ATP8B2: variants seen among roughly 807,000 people sequenced by gnomAD.
The protein encoded by ATP8B2 is phospholipid-transporting ATPase ID.
A neutral mutation model predicts 133.4 loss-of-function variants in ATP8B2; 70 were observed. That is an observed-to-expected ratio of 0.52 (90% CI 0.43 to 0.64). ATP8B2 has a LOEUF of 0.64. Ranked by LOEUF, ATP8B2 falls within the 30% of genes least tolerant of loss-of-function variation. The probability of loss-of-function intolerance (pLI) is 0.00; values close to 1 mark genes in which losing one functional copy is unlikely to be tolerated. For missense variants in ATP8B2, 1,101 were observed against 1,535.7 expected, an observed-to-expected ratio of 0.72 and a Z score of 4.73; for synonymous variants, 517 against 589.5, an observed-to-expected ratio of 0.88 and a Z score of 1.78.
At position 154,328,209 on chromosome 1, in the gene ATP8B2, C is replaced by G. The variant is rs745992431; in HGVS notation, c.31+37C>G. The G allele has an allele frequency of 6.3e-7, 1 of 1,584,600 alleles. No individual in the cohort carries two copies. The highest frequency in any genetic ancestry group is 1.1e-5 in the South Asian group (1 of 90,438). On this transcript the variant is annotated intron_variant, in intron 2 of 27. Coordinates refer to ENST00000368489, the MANE Select transcript of ATP8B2 (RefSeq NM_001370597.1). This position sits in a 1 kb window ranked among gnomAD's most constrained non-coding sequence, Gnocchi z 4.6. ...AAGGAGGGGAGATCCCGGGAACCAT[C>G]AAGAGTGGGTGTTGTTATGGCTCAG...
rs1253558486 is a variant in ATP8B2 at position 154,331,695 on chromosome 1, C to G, written c.438+17C>G. 3.1e-6 allele frequency: 5 copies of G among 1,606,994 alleles called. No individual in the cohort carries two copies. The highest frequency in any genetic ancestry group is 4.3e-6 in the Non-Finnish European group (5 of 1,173,464). ...TTTGTGGCGGTAAGGGACAGGGTACCCCTCTAGGCCTGTAGGTTCTTCCTC... is the reference window on the plus strand; with the variant it reads ...TTTGTGGCGGTAAGGGACAGGGTACGCCTCTAGGCCTGTAGGTTCTTCCTC... On this transcript the variant is annotated intron_variant, in intron 7 of 27. Transcript: ENST00000368489. This position sits in a 1 kb window ranked among gnomAD's most constrained non-coding sequence, Gnocchi z 4.8.
chr1:154,341,198 A>G, intron 13 of ATP8B2, 136 bp downstream of exon 13: 1 of 924,558 alleles, frequency 1.1e-6, no homozygotes, highest in Non-Finnish European at 1.7e-6. Flanking sequence ...GAAAGGGTCC[A>G]TCCTGGCCAG....
At position 154,343,749 on chromosome 1, in the gene ATP8B2, C is replaced by A; in HGVS notation, c.1759-144C>A. 1 of 1,109,150 alleles carries A rather than the reference C, an allele frequency of 9.0e-7. No homozygotes were observed. Among genetic ancestry groups the A allele is most frequent in the South Asian group, 1.5e-5 (1 of 64,704 alleles). 68.7% of individuals were successfully genotyped at this position (1,109,150 alleles called of 1,614,324 possible). ...CACATCAGCCAGCTCCCATAGTTACCTCTTTTTATGTATGTGGTGACAGTC... is the reference window on the plus strand; with the variant it reads ...CACATCAGCCAGCTCCCATAGTTACATCTTTTTATGTATGTGGTGACAGTC... On this transcript the variant is annotated intron_variant, in intron 17 of 27. Transcript: ENST00000368489. The surrounding 1 kb of genome is among the most constrained non-coding windows in gnomAD (Gnocchi z 5.8).
At chr1:154,326,495 T>C (rs1343912637) in intron 1 of ATP8B2, among the ~76,000 whole-genome samples, 6 of 152,132 alleles carry the variant, frequency 3.9e-5, no homozygotes, top group Admixed American at 3.9e-4. Context: ...CTGATGGGCC[T>C]GACCTGCTCA....
chr1:154,341,221 A>G, intron 13 of ATP8B2, 159 bp downstream of exon 13: 1 of 762,170 alleles, frequency 1.3e-6, no homozygotes, highest in South Asian at 1.5e-5. Flanking sequence ...ACGGTGGCTC[A>G]TGCCTATAGT....
chr1:154,341,086 G>T (rs761926107), intron 13 of ATP8B2, 24 bp downstream of exon 13: 49 of 1,612,428 alleles, frequency 3.0e-5, no homozygotes, highest in Middle Eastern at 3.3e-4. Flanking sequence ...ACTGGGGACT[G>T]GGGGCTTGCA....
chr1:154,345,960 A>G lies in ATP8B2; in HGVS notation c.2778+77A>G. On this transcript the variant is annotated intron_variant, in intron 24 of 27. Coordinates refer to ENST00000368489, the MANE Select transcript of ATP8B2 (RefSeq NM_001370597.1). This position sits in a 1 kb window ranked among gnomAD's most constrained non-coding sequence, Gnocchi z 5.6. The stretch of plus-strand genomic sequence containing the variant: ...AGGAGTCACATAGACGTGGTGTGTG[A>G]CACTTGTGCCCATTTCCTGTGGCCA... 5 of 1,383,544 alleles carry G rather than the reference A, an allele frequency of 3.6e-6. No homozygotes were observed. Among genetic ancestry groups the G allele is most frequent in the Non-Finnish European group, 5.1e-6 (5 of 978,254 alleles). 85.7% of individuals were successfully genotyped at this position (1,383,544 alleles called of 1,614,324 possible). A position where few individuals can be genotyped will look rare whatever the true frequency, so the allele number is the denominator to read the frequency against.
At chr1:154,335,603 G>A (rs1686150909) in intron 11 of ATP8B2, among the ~76,000 whole-genome samples, 1 of 152,014 alleles carries the variant, frequency 6.6e-6, no homozygotes, top group Non-Finnish European at 1.5e-5. Context: ...GAGGCGGGGG[G>A]ATTGCTTGGC....
chr1:154,347,312 T>A (rs1686618089), intron 26 of ATP8B2, among the ~76,000 whole-genome samples: 1 of 152,174 alleles, frequency 6.6e-6, no homozygotes, highest in African/African-American at 2.4e-5. Context: ...GGAGGTCTTC[T>A]GCACGTGGAG....
In ATP8B2 at chr1:154,346,004, C is replaced by A; in HGVS notation, c.2778+121C>A. 8.7e-7 allele frequency: 1 copy of A among 1,146,474 alleles called. No homozygotes were observed. Among genetic ancestry groups the A allele is most frequent in the Non-Finnish European group, 1.3e-6 (1 of 783,318 alleles). The allele number at this position is 1,146,474 out of a possible 1,614,324, so 71.0% of individuals were successfully genotyped here. ...GTGGCCACTGGGAAGGCAGTTCTTT[C>A]AGCCGGGGAAGGTGTGGCTGGTTCT... On this transcript the variant is annotated intron_variant, in intron 24 of 27. Transcript: ENST00000368489. This position sits in a 1 kb window ranked among gnomAD's most constrained non-coding sequence, Gnocchi z 4.5.
chr1:154,330,518 CCTA>C (rs1685947745), intron 3 of ATP8B2, 64 bp downstream of exon 3: 20 of 1,561,142 alleles, frequency 1.3e-5, no homozygotes, highest in Middle Eastern at 1.7e-4. Flanking sequence ...GCAAGGACAA[CCTA>C]CCGTTGGGAC....
At chr1:154,337,962 G>A (rs1435581138) in intron 12 of ATP8B2, 1 of 327,924 alleles carries the variant, frequency 3.0e-6, no homozygotes, top group African/African-American at 2.2e-5. Flanking sequence ...TCTATGTGAA[G>A]CTTGGGGATA....
chr1:154,338,173 TGAAGG>T (rs1686256298), intron 12 of ATP8B2, among the ~76,000 whole-genome samples: 1 of 151,960 alleles, frequency 6.6e-6, no homozygotes, highest in Non-Finnish European at 1.5e-5. Flanking sequence ...CTGGGCTGGA[TGAAGG>T]TGGAGCCACA....
At chr1:154,336,775 G>A (rs1196507164) in intron 11 of ATP8B2, among the ~76,000 whole-genome samples, 1 of 149,140 alleles carries the variant, frequency 6.7e-6, no homozygotes, top group Non-Finnish European at 1.5e-5. Context: ...GATTATAGGT[G>A]TGAGTCACTG....
Position 154,341,001 on chromosome 1 carries a change from G to C in ATP8B2, c.1182G>C (p.Thr394=). 6.2e-7 allele frequency: 1 copy of C among 1,614,110 alleles called. No individual in the cohort carries two copies. Among genetic ancestry groups the C allele is most frequent in the Non-Finnish European group, 8.5e-7 (1 of 1,180,026 alleles). ...TGGAGTACATCTTCTCCGACAAGACGGGCACCCTCACCCAGAACATCATGG... is the reference window on the plus strand; with the variant it reads ...TGGAGTACATCTTCTCCGACAAGACCGGCACCCTCACCCAGAACATCATGG... ...GQVEYIFSDK[T]GTLTQNIMVF... The change falls in exon 13 of 28, where the codon ACG becomes ACC. Residue 394 remains threonine, a synonymous_variant. Transcript: ENST00000368489.
At position 154,344,948 on chromosome 1, in the gene ATP8B2, T is replaced by G; in HGVS notation, c.2287-23T>G. ...AGGTGTCTCCTGGAAAGACTGGCTC[T>G]CTCAGGTTTCTCTGTGCTCCAGGCC... On this transcript the variant is annotated intron_variant, in intron 21 of 27. Transcript: ENST00000368489. This position sits in a 1 kb window ranked among gnomAD's most constrained non-coding sequence, Gnocchi z 4.1. 6.3e-7 allele frequency: 1 copy of G among 1,597,752 alleles called. No individual in the cohort carries two copies. Among genetic ancestry groups the G allele is most frequent in the Non-Finnish European group, 8.5e-7 (1 of 1,170,670 alleles).
Position 154,345,985 on chromosome 1 carries a change from A to C in ATP8B2, c.2778+102A>C. 1 of 1,233,352 alleles carries C rather than the reference A, an allele frequency of 8.1e-7. No homozygotes were observed. The highest frequency in any genetic ancestry group is 1.2e-6 in the Non-Finnish European group (1 of 852,504). The allele number at this position is 1,233,352 out of a possible 1,614,324, so 76.4% of individuals were successfully genotyped here. On this transcript the variant is annotated intron_variant, in intron 24 of 27. Transcript: ENST00000368489. The surrounding 1 kb of genome is among the most constrained non-coding windows in gnomAD (Gnocchi z 5.6). ...ACACTTGTGCCCATTTCCTGTGGCC[A>C]CTGGGAAGGCAGTTCTTTCAGCCGG...
chr1:154,338,537 G>A (rs1368554644), intron 12 of ATP8B2, among the ~76,000 whole-genome samples: 1 of 152,098 alleles, frequency 6.6e-6, no homozygotes, highest in African/African-American at 2.4e-5. Context: ...GTGGTTGCCT[G>A]TAATCCCAGC....
intron 27 of ATP8B2, 33 bp downstream of exon 27, chr1:154,348,571 G>A (rs776713308): frequency 5.0e-6 from 8 of 1,607,676 alleles, no homozygotes; most frequent in Non-Finnish European, 6.8e-6. Flanking sequence ...GTGGGAGGCA[G>A]AGATGGGGTG....
Sources: gnomAD v4.1 joint callset for allele counts (sites outside exome capture counted in the v4.1 genomes callset) on GRCh38, gnomAD v4.1.1 for gene constraint, Gnocchi (gnomAD v3.1) non-coding constraint, MANE v1.5 for transcripts, NCBI Gene and HGNC (gene_info 2026-07-23, HGNC 2026-07-21) for gene names.